DPP6: variants seen among roughly 807,000 people sequenced by gnomAD.
The protein encoded by DPP6 is A-type potassium channel modulatory protein DPP6.
A neutral mutation model predicts 122.6 loss-of-function variants in DPP6; 69 were observed. The observed-to-expected ratio is 0.56, with a 90% CI of 0.46 to 0.69. The LOEUF is 0.69. Among genes scored for constraint, DPP6 ranks in the 30% least tolerant of loss-of-function variants. The pLI is 0.00. For missense variants in DPP6, 928 were observed against 1,116.9 expected, an observed-to-expected ratio of 0.83 and a Z score of 2.41; for synonymous variants, 418 against 433.1, an observed-to-expected ratio of 0.97 and a Z score of 0.43.
At chr7:153,817,871 T>A in the DPP6 span, among the ~76,000 whole-genome samples, 2 of 151,250 alleles carry the variant, frequency 1.3e-5, no homozygotes, top group Non-Finnish European at 2.9e-5. Context: ...ACATATGTAA[T>A]AAACCTGCAC....
At chr7:154,440,256 GC>G (rs1819254539) in intron 1 of DPP6, among the ~76,000 whole-genome samples, 1 of 152,146 alleles carries the variant, frequency 6.6e-6, no homozygotes, top group South Asian at 2.1e-4. Context: ...CTGCTCAGCT[GC>G]CCACGCCTGC....
chr7:153,914,143 G>A (rs930016964), intron 1 of DPP6, among the ~76,000 whole-genome samples: 2 of 152,052 alleles, frequency 1.3e-5, no homozygotes, highest in African/African-American at 4.8e-5. Flanking sequence ...TGCTGTTCTC[G>A]TCATACTGAA....
rs374629541 is a variant in DPP6 at position 154,599,127 on chromosome 7, G to A, written c.627+32211G>A. Among the ~76,000 whole-genome samples, 21 of 152,158 alleles carry A rather than the reference G, an allele frequency of 1.4e-4. No individual in the cohort carries two copies. In the East Asian group the frequency reaches 3.8e-3, roughly 28 times the overall value. On this transcript the variant is annotated intron_variant, in intron 5 of 25. Coordinates refer to ENST00000377770, the MANE Select transcript of DPP6 (RefSeq NM_130797.4). ...AGTTTTCTGCCAGCATCTTTATAGA[G>A]CAATGTGTACTTGCAAATAAATACA...
At chr7:154,244,466 G>A (rs1019365906) in intron 1 of DPP6, among the ~76,000 whole-genome samples, 8 of 152,082 alleles carry the variant, frequency 5.3e-5, no homozygotes, top group Non-Finnish European at 1.2e-4. Flanking sequence ...ACCAAAAATA[G>A]TAAATATGCT....
chr7:154,888,012 G>A (rs1048701490), intron 23 of DPP6, among the ~76,000 whole-genome samples: 4 of 151,914 alleles, frequency 2.6e-5, no homozygotes, highest in African/African-American at 7.3e-5. Context: ...CAGTCCCAGC[G>A]TCCATGGATA....
At chr7:153,983,210 T>C (rs1256743380) in intron 1 of DPP6, among the ~76,000 whole-genome samples, 1 of 152,234 alleles carries the variant, frequency 6.6e-6, no homozygotes, top group Non-Finnish European at 1.5e-5. Context: ...TGCCCCTGAC[T>C]GGGGCTGCTG....
intron 1 of DPP6, among the ~76,000 whole-genome samples, chr7:154,199,973 C>G (rs1799084698): frequency 6.6e-6 from 1 of 152,182 alleles, no homozygotes; most frequent in Non-Finnish European, 1.5e-5. Flanking sequence ...GAGCCCCGCC[C>G]GTAATGCCTG....
intron 10 of DPP6, among the ~76,000 whole-genome samples, chr7:154,784,218 C>T (rs1358925725): frequency 6.6e-6 from 1 of 152,148 alleles, no homozygotes; most frequent in Non-Finnish European, 1.5e-5. Context: ...TGAGCTACAA[C>T]TTGCACTGTG....
At chr7:154,495,079 G>A (rs1268927639) in intron 3 of DPP6, among the ~76,000 whole-genome samples, 1 of 152,228 alleles carries the variant, frequency 6.6e-6, no homozygotes, top group East Asian at 1.9e-4. Flanking sequence ...TATGAGGAGG[G>A]AGCAGGGAAT....
At chr7:154,315,340 A>G (rs1473318227) in intron 1 of DPP6, among the ~76,000 whole-genome samples, 1 of 152,162 alleles carries the variant, frequency 6.6e-6, no homozygotes. Flanking sequence ...ACATCTGGAA[A>G]TTTTATTTGC....
intron 1 of DPP6, among the ~76,000 whole-genome samples, chr7:154,439,401 G>A (rs1025904066): frequency 1.3e-5 from 2 of 152,190 alleles, no homozygotes; most frequent in Non-Finnish European, 2.9e-5. Context: ...CTGATGTGTT[G>A]TGACATTTTT....
chr7:154,692,545 G>T (rs1390605842), intron 7 of DPP6, among the ~76,000 whole-genome samples: 1 of 152,066 alleles, frequency 6.6e-6, no homozygotes, highest in Non-Finnish European at 1.5e-5. Context: ...AGTTTGTAGG[G>T]AAATCGTTTG....
Position 154,700,850 on chromosome 7 carries a change from G to A in DPP6, c.763-26917G>A, listed in dbSNP as rs538273934. On this transcript the variant is annotated intron_variant, in intron 7 of 25. Coordinates refer to ENST00000377770, the MANE Select transcript of DPP6 (RefSeq NM_130797.4). ...TGCATCTACTTCCCCAGGATAGGGC[G>A]GTGGCCCCTCGAACCCCATCACACA... 2.6e-5 allele frequency among the ~76,000 whole-genome samples: 4 copies of A among 152,186 alleles called. No homozygotes were observed. The East Asian group carries it at 5.8e-4, about 22-fold the overall frequency.
intron 1 of DPP6, among the ~76,000 whole-genome samples, chr7:154,427,426 C>A (rs1333637386): frequency 6.6e-6 from 1 of 152,168 alleles, no homozygotes; most frequent in Non-Finnish European, 1.5e-5. Flanking sequence ...AAGTCACATT[C>A]AGTAGTTAAA....
intron 16 of DPP6, 87 bp from the exon 17 acceptor site, chr7:154,853,693 G>C: frequency 6.5e-7 from 1 of 1,540,602 alleles, no homozygotes; most frequent in African/African-American, 1.4e-5. Flanking sequence ...CTATCTACGT[G>C]GCATAAGAAA....
intron 1 of DPP6, among the ~76,000 whole-genome samples, chr7:153,948,632 TTAGGATC>T (rs1802059191): frequency 6.6e-6 from 1 of 151,132 alleles, no homozygotes; most frequent in Admixed American, 6.6e-5. Context: ...TTTATTTTTT[TTAGGATC>T]AGATGAGATA....
At chr7:154,828,180 T>C (rs1800331554) in intron 16 of DPP6, among the ~76,000 whole-genome samples, 1 of 152,068 alleles carries the variant, frequency 6.6e-6, no homozygotes, top group Non-Finnish European at 1.5e-5. Context: ...AACGCCTTAT[T>C]CGTGGGAGAT....
intron 1 of DPP6, among the ~76,000 whole-genome samples, chr7:154,111,629 G>GTGTT (rs920529776): frequency 2.7e-5 from 4 of 146,892 alleles, no homozygotes; most frequent in Admixed American, 2.7e-4. Context: ...TCGTGTGTGT[G>GTGTT]TGTGTGTGTG....
chr7:154,385,290 C>G (rs1003875146), intron 1 of DPP6, among the ~76,000 whole-genome samples: 1 of 152,278 alleles, frequency 6.6e-6, no homozygotes, highest in African/African-American at 2.4e-5. Flanking sequence ...TGCCTTCTAC[C>G]ATGAAGACCC....
Sources: gnomAD v4.1 joint callset for allele counts (sites outside exome capture counted in the v4.1 genomes callset) on GRCh38, gnomAD v4.1.1 for gene constraint, MANE v1.5 for transcripts, NCBI Gene and HGNC (gene_info 2026-07-23, HGNC 2026-07-21) for gene names.